The following NLRP9 variants were observed in gnomAD, a reference collection of about 807,000 sequenced individuals.
NLRP9 encodes the protein NLR family pyrin domain containing 9.
NLRP9 carries 88 observed loss-of-function variants against 83.1 expected under a neutral mutation model. The observed-to-expected ratio is 1.06, with a 90% confidence interval of 0.89 to 1.26. The LOEUF (loss-of-function observed/expected upper bound fraction) is 1.26, where lower values mean the gene tolerates loss of function less well. NLRP9 is among the 50% of genes most tolerant of loss of function. The probability of loss-of-function intolerance (pLI) is 0.00; values close to 1 mark genes in which losing one functional copy is unlikely to be tolerated. For missense variants in NLRP9, 1,308 were observed against 1,179.3 expected, an observed-to-expected ratio of 1.11 and a Z score of -1.60; for synonymous variants, 521 against 447.6, an observed-to-expected ratio of 1.16 and a Z score of -2.07.
chr19:55,732,426 C>G lies in NLRP9; in HGVS notation c.1405G>C (p.Ala469Pro), dbSNP rs1988603494. 1.2e-6 allele frequency: 2 copies of G among 1,614,232 alleles called. No homozygotes were observed. Among genetic ancestry groups the G allele is most frequent in the Non-Finnish European group, 1.7e-6 (2 of 1,180,050 alleles). ...LKRPKDDPNPAIGSITQLVRA... is the reference protein window; with the variant it reads ...LKRPKDDPNPPIGSITQLVRA... ...ACAAGCTGGGTTATGCTTCCAATGGCCGGGTTAGGATCGTCTTTGGGTCGT... is the reference window on the plus strand; with the variant it reads ...ACAAGCTGGGTTATGCTTCCAATGGGCGGGTTAGGATCGTCTTTGGGTCGT... The change falls in exon 2 of 9, where the codon GCC (alanine) becomes CCC (proline). Residue 469 changes from alanine to proline, a missense_variant. Ala to Pro is a conservative substitution (Grantham distance 27, BLOSUM62 -1). Transcript: ENST00000332836.
At chr19:55,733,974 G>T (rs539754251) in intron 1 of NLRP9, among the ~76,000 whole-genome samples, 3 of 142,080 alleles carry the variant, frequency 2.1e-5, no homozygotes, top group Admixed American at 7.1e-5. Flanking sequence ...CCAGGCTGGA[G>T]TGCAGTGGCG....
chr19:55,723,727 CA>C (rs10711721), intron 4 of NLRP9, among the ~76,000 whole-genome samples: 15,586 of 79,832 alleles, frequency 0.2, 599 homozygotes, highest in Non-Finnish European at 0.26. Flanking sequence ...GACCCTGTCT[CA>C]AAAAAAAAAA....
intron 1 of NLRP9, 115 bp from the exon 2 acceptor site, chr19:55,733,665 G>T: frequency 1.5e-6 from 1 of 672,860 alleles, no homozygotes. Flanking sequence ...CTGAAGCCAG[G>T]GTGCTTTTAA....
At chr19:55,734,163 T>C (rs537230988) in intron 1 of NLRP9, among the ~76,000 whole-genome samples, 1 of 151,788 alleles carries the variant, frequency 6.6e-6, no homozygotes, top group African/African-American at 2.4e-5. Context: ...GACCTCATGA[T>C]CCACCCACCT....
At chr19:55,730,080 C>G in intron 2 of NLRP9, 88 bp from the exon 3 acceptor site, 1 of 1,247,970 alleles carries the variant, frequency 8.0e-7, no homozygotes, top group East Asian at 2.3e-5. Context: ...TTCCAAAGCA[C>G]CTCAAAGCTG....
chr19:55,724,119 C>G lies in NLRP9; in HGVS notation c.2020G>C (p.Asp674His), dbSNP rs749243450. Reference protein sequence around the residue: ...LIFTSVYFGHDSELFKAVLHN... With the variant: ...LIFTSVYFGHHSELFKAVLHN... ...AGAACTGCCTTAAATAATTCTGAAT[C>G]ATGTCCAAAGTACACAGAAGTAAAT... Residue 674 changes from aspartate (D) to histidine (H), a missense_variant, in exon 4 of 9, where the codon GAT becomes CAT. Coordinates refer to ENST00000332836, the MANE Select transcript of NLRP9 (RefSeq NM_176820.4). The G allele has an allele frequency of 6.2e-7, 1 of 1,612,476 alleles. No homozygotes were observed.
intron 3 of NLRP9, among the ~76,000 whole-genome samples, chr19:55,725,357 A>G (rs1412130857): frequency 6.6e-6 from 1 of 152,170 alleles, no homozygotes; most frequent in Non-Finnish European, 1.5e-5. Flanking sequence ...TGACACACAG[A>G]ACTTGCTCTA....
chr19:55,711,448 C>T, intron 8 of NLRP9: 2 of 1,305,084 alleles, frequency 1.5e-6, no homozygotes, highest in Non-Finnish European at 1.0e-6. Flanking sequence ...GAAGTCTGAG[C>T]TGGCGTTGCA....
Position 55,724,036 on chromosome 19 carries a change from G to A in NLRP9, c.2103C>T (p.Asp701=). ...TCAGCGTCTCACACAGGTGTCTGAT[G>A]TCAGACTGGGAGAGGCTAGTGCCGT... ...SLYGTSLSQS[D]IRHLCETLKH... is the part of the protein sequence containing the mutation. Residue 701 remains aspartate (D), a synonymous_variant, in exon 4 of 9, where the codon GAC becomes GAT. Coordinates refer to ENST00000332836, the MANE Select transcript of NLRP9 (RefSeq NM_176820.4). 1.9e-6 allele frequency: 3 copies of A among 1,613,872 alleles called. No individual in the cohort carries two copies. Among genetic ancestry groups the A allele is most frequent in the Non-Finnish European group, 8.5e-7 (1 of 1,179,760 alleles).
At position 55,711,142 on chromosome 19, in the gene NLRP9, T is replaced by C. The variant is rs560439904; in HGVS notation, c.2843+658A>G. ...AACCTTAAACAACATATTGTGAACTTTTCTTAGAGACACTAGCATAATGAA... is the reference window on the plus strand; with the variant it reads ...AACCTTAAACAACATATTGTGAACTCTTCTTAGAGACACTAGCATAATGAA... On this transcript the variant is annotated intron_variant, in intron 8 of 8. Transcript: ENST00000332836. Among the ~76,000 whole-genome samples the C allele has an allele frequency of 2.6e-5, 4 of 152,086 alleles. No homozygotes were observed. In the East Asian group the frequency reaches 7.7e-4, roughly 29 times the overall value.
intron 1 of NLRP9, among the ~76,000 whole-genome samples, chr19:55,737,069 T>A (rs1988803728): frequency 6.6e-6 from 1 of 152,092 alleles, no homozygotes; most frequent in Non-Finnish European, 1.5e-5. Context: ...ACTAGATACC[T>A]AATAGGGAAT....
intron 4 of NLRP9, among the ~76,000 whole-genome samples, chr19:55,720,274 CTT>C (rs1230687869): frequency 1.3e-5 from 2 of 152,106 alleles, no homozygotes; most frequent in Admixed American, 1.3e-4. Flanking sequence ...TACAATAAGA[CTT>C]TGAGAGAAAA....
chr19:55,737,180 G>C (rs1445014226), intron 1 of NLRP9: 1 of 152,082 alleles, frequency 6.6e-6, no homozygotes, highest in African/African-American at 2.4e-5. Context: ...TTTTGGAAAA[G>C]TCATGTAACA....
intron 4 of NLRP9, among the ~76,000 whole-genome samples, chr19:55,718,498 C>T (rs1159399487): frequency 6.6e-6 from 1 of 152,212 alleles, no homozygotes; most frequent in Non-Finnish European, 1.5e-5. Flanking sequence ...GATATGCTGG[C>T]AGCAATACTG....
chr19:55,714,381 C>G (rs1987925756), intron 6 of NLRP9, among the ~76,000 whole-genome samples: 1 of 151,926 alleles, frequency 6.6e-6, no homozygotes, highest in Non-Finnish European at 1.5e-5. Flanking sequence ...CATCTCGATT[C>G]TTTAAGGAGG....
chr19:55,721,250 T>C (rs144577631), intron 4 of NLRP9, among the ~76,000 whole-genome samples: 3 of 152,370 alleles, frequency 2.0e-5, no homozygotes, highest in African/African-American at 7.2e-5. Flanking sequence ...GGGACTTCTC[T>C]GTACTATTAT....
At position 55,711,609 on chromosome 19, in the gene NLRP9, C is replaced by T. The variant is rs191375397; in HGVS notation, c.2843+191G>A. 301 of 879,640 alleles carry T rather than the reference C, an allele frequency of 3.4e-4. 2 individuals carry two copies. In the East Asian group the frequency reaches 7.5e-3, roughly 22 times the overall value. 54.5% of individuals were successfully genotyped at this position (879,640 alleles called of 1,614,324 possible). A position where few individuals can be genotyped will look rare whatever the true frequency, so the allele number is the denominator to read the frequency against. Reference sequence around the variant, plus strand: ...GCTACTGGCAACTCATGAGAAAGGCCGAGAATGTTGCTTGACATCTTACAA... The same window carrying T: ...GCTACTGGCAACTCATGAGAAAGGCTGAGAATGTTGCTTGACATCTTACAA... On this transcript the variant is annotated intron_variant, in intron 8 of 8. Transcript: ENST00000332836.
At chr19:55,726,432 A>G (rs1988405965) in intron 3 of NLRP9, among the ~76,000 whole-genome samples, 1 of 152,210 alleles carries the variant, frequency 6.6e-6, no homozygotes, top group Admixed American at 6.5e-5. Flanking sequence ...AAAGAAGCAG[A>G]AGCCTGGGCT....
chr19:55,712,085 C>T (rs577151349), intron 7 of NLRP9, 115 bp from the exon 8 acceptor site: 45 of 1,062,084 alleles, frequency 4.2e-5, no homozygotes, highest in Non-Finnish European at 5.0e-5. Context: ...TGTCTAGACC[C>T]GGGCTTCTCA....
Sources: gnomAD v4.1 joint callset for allele counts (sites outside exome capture counted in the v4.1 genomes callset) on GRCh38, gnomAD v4.1.1 for gene constraint, MANE v1.5 for transcripts, NCBI Gene and HGNC (gene_info 2026-07-23, HGNC 2026-07-21) for gene names.